The following PCGF3 variants were observed in gnomAD, a reference collection of about 807,000 sequenced individuals.
PCGF3 encodes polycomb group RING finger protein 3.
A neutral mutation model predicts 33.1 loss-of-function variants in PCGF3; 7 were observed. That is an observed-to-expected ratio of 0.21 (90% CI 0.12 to 0.40). The LOEUF (loss-of-function observed/expected upper bound fraction) is 0.40, where lower values mean the gene tolerates loss of function less well. PCGF3 is among the 10% of genes least tolerant of loss of function. The pLI, the probability that PCGF3 is intolerant of heterozygous loss-of-function variation, is 1.00. For missense variants in PCGF3, 211 were observed against 313.3 expected (o/e 0.67, Z 2.46); for synonymous variants, 153 against 121.3 (o/e 1.26, Z -1.72).
intron 1 of PCGF3, among the ~76,000 whole-genome samples, chr4:714,251 C>G (rs1300183210): frequency 6.6e-6 from 1 of 152,212 alleles, no homozygotes; most frequent in Non-Finnish European, 1.5e-5. Flanking sequence ...GCTGCTCGGC[C>G]TAAGGTGCTT....
chr4:725,377 G>A, intron 1 of PCGF3: 1 of 154,924 alleles, frequency 6.5e-6, no homozygotes, highest in East Asian at 1.9e-4. Context: ...AGAAGTTGTG[G>A]ACTAGACGTG....
chr4:731,135 G>T (rs1276213803), intron 3 of PCGF3, 25 bp downstream of exon 3: 1 of 398,584 alleles, frequency 2.5e-6, no homozygotes, highest in African/African-American at 2.1e-5. Flanking sequence ...CCCCGACCCC[G>T]GGGGTCCTGC....
chr4:708,270 G>T (rs529855141), intron 1 of PCGF3, among the ~76,000 whole-genome samples: 1 of 152,160 alleles, frequency 6.6e-6, no homozygotes, highest in Non-Finnish European at 1.5e-5. Context: ...AAGAGGACCT[G>T]ATGAGAGCTG....
chr4:719,682 G>A (rs1742997298), intron 1 of PCGF3, among the ~76,000 whole-genome samples: 1 of 152,254 alleles, frequency 6.6e-6, no homozygotes, highest in African/African-American at 2.4e-5. Context: ...AGCTGGAGGG[G>A]CAGGACGGTG....
chr4:734,460 T>C, intron 4 of PCGF3: 4 of 1,257,398 alleles, frequency 3.2e-6, no homozygotes, highest in Non-Finnish European at 4.0e-6. Context: ...GGAAATAAAA[T>C]ATTTGCCAAT....
chr4:712,502 C>T (rs1742615840), intron 1 of PCGF3, among the ~76,000 whole-genome samples: 2 of 152,210 alleles, frequency 1.3e-5, no homozygotes, highest in Non-Finnish European at 2.9e-5. Context: ...GGCTGGAGTG[C>T]AGTGGCGCGA....
At position 743,479 on chromosome 4, in the gene PCGF3, A is replaced by G. The variant is rs765004074; in HGVS notation, c.268A>G (p.Met90Val). 3.7e-6 allele frequency: 6 copies of G among 1,606,660 alleles called. No individual in the cohort carries two copies. In the Admixed American group the frequency reaches 8.3e-5, roughly 22 times the overall value. Residue 90 changes from methionine to valine, a missense_variant, in exon 7 of 11, where the codon ATG becomes GTG. Transcript: ENST00000362003. ...TGTGTGTTGATTTTCCGCAGCGGAAATGAGAAAGCAGAGGGAGTTCTATCA... is the reference window on the plus strand; with the variant it reads ...TGTGTGTTGATTTTCCGCAGCGGAAGTGAGAAAGCAGAGGGAGTTCTATCA...
chr4:744,188 C>T, intron 7 of PCGF3, among the ~76,000 whole-genome samples: 1 of 152,304 alleles, frequency 6.6e-6, no homozygotes, highest in Non-Finnish European at 1.5e-5. Flanking sequence ...TGTCAGAACC[C>T]TTTTACCTGA....
Position 765,116 on chromosome 4 carries a change from G to C in PCGF3, c.681+52G>C, listed in dbSNP as rs184379027. 3,036 of 1,243,990 alleles carry C rather than the reference G, an allele frequency of 2.4e-3. 7 individuals are homozygous for C. The highest frequency in any genetic ancestry group is 4.1e-3 in the Middle Eastern group (22 of 5,312). The allele number at this position is 1,243,990 out of a possible 1,614,324, so 77.1% of individuals were successfully genotyped here. A position where few individuals can be genotyped will look rare whatever the true frequency, so the allele number is the denominator to read the frequency against. ...GTCTGCTCTGAATGGCAGTGACTTT[G>C]CTGTGCATCTCTTATCTAAAATGTT... On this transcript the variant is annotated intron_variant, in intron 10 of 10. Coordinates refer to ENST00000362003, the Ensembl canonical transcript of PCGF3.
exon 11 of PCGF3, chr4:766,325 A>C: frequency 2.2e-6 from 1 of 446,996 alleles, no homozygotes; most frequent in Non-Finnish European, 4.0e-6. Context: ...CCCGTGCTTC[A>C]GCCTTGCAGG....
intron 1 of PCGF3, among the ~76,000 whole-genome samples, chr4:712,425 T>G (rs996338545): frequency 4.6e-5 from 7 of 151,988 alleles, no homozygotes; most frequent in South Asian, 2.1e-4. Flanking sequence ...ATATTCGTGT[T>G]TGTTTGTTTG....
In PCGF3 at chr4:733,059, G is replaced by GTGCTGCCTCCGCCCCTGCCC. The variant is rs1743673437; in HGVS notation, c.-9-613_-9-612insTGCTGCCTCCGCCCCTGCCC. 1.1e-3 allele frequency among the ~76,000 whole-genome samples: 166 copies of GTGCTGCCTCCGCCCCTGCCC among 146,510 alleles called. 1 individual carries two copies. In the Middle Eastern group the frequency reaches 0.028, roughly 24 times the overall value. Reference sequence around the variant, plus strand: ...GTGAGGGTAGGGTGGGGCCCCTGCCGCGTGCTGCCTCCGCCCCTGCCCCGT... The same window carrying GTGCTGCCTCCGCCCCTGCCC: ...GTGAGGGTAGGGTGGGGCCCCTGCCGTGCTGCCTCCGCCCCTGCCCCGTGCTGCCTCCGCCCCTGCCCCGT... On this transcript the variant is annotated intron_variant, in intron 3 of 10. Coordinates refer to ENST00000362003, the Ensembl canonical transcript of PCGF3.
chr4:718,285 G>T (rs1742940628), intron 1 of PCGF3, among the ~76,000 whole-genome samples: 1 of 152,058 alleles, frequency 6.6e-6, no homozygotes, highest in Non-Finnish European at 1.5e-5. Flanking sequence ...CGGCGCTGGG[G>T]GCCGGACTGC....
In PCGF3 at chr4:737,105, A is replaced by G. The variant is rs111418224; in HGVS notation, c.207-361A>G. The stretch of plus-strand genomic sequence containing the variant: ...CGGGGAACCTGGGGTGTCTGCAGGG[A>G]CGGTGTCCCCTGAGCGCACGGGACG... On this transcript the variant is annotated intron_variant, in intron 5 of 10. Transcript: ENST00000362003. Among the ~76,000 whole-genome samples the G allele has an allele frequency of 3.1e-3, 189 of 61,238 alleles. 1 individual carries two copies. The highest frequency in any genetic ancestry group is 6.6e-3 in the African/African-American group (95 of 14,492). The allele number at this position is 61,238 out of a possible 152,430, so 40.2% of individuals were successfully genotyped here.
chr4:743,648 G>A, intron 7 of PCGF3, 64 bp downstream of exon 7: 1 of 947,102 alleles, frequency 1.1e-6, no homozygotes, highest in Non-Finnish European at 1.7e-6. Context: ...TTTTCTTAAA[G>A]AGCTGGCGCT....
chr4:743,403 A>G, intron 6 of PCGF3, 71 bp from the exon 7 acceptor site: 1 of 847,420 alleles, frequency 1.2e-6, no homozygotes, highest in Non-Finnish European at 2.0e-6. Flanking sequence ...TCTTTATGTG[A>G]TGTTTATGAA....
In PCGF3 at chr4:739,004, C is replaced by T. The variant is rs985261382; in HGVS notation, c.262+1483C>T. 5.3e-5 allele frequency among the ~76,000 whole-genome samples: 8 copies of T among 152,204 alleles called. No homozygotes were observed. The East Asian group carries it at 1.5e-3, about 29-fold the overall frequency. On this transcript the variant is annotated intron_variant, in intron 6 of 10. Transcript: ENST00000362003. Reference sequence around the variant, plus strand: ...GTGGCCGTCCTTGCTGCACCTGCTGCTCCCTCAGCCTCACCCCGTGGCCTT... The same window carrying T: ...GTGGCCGTCCTTGCTGCACCTGCTGTTCCCTCAGCCTCACCCCGTGGCCTT...
At chr4:762,062 TGGA>T (rs1400256651) in intron 9 of PCGF3, 23 of 984,650 alleles carry the variant, frequency 2.3e-5, no homozygotes, top group Non-Finnish European at 2.7e-5. Context: ...GCGGTCAGGG[TGGA>T]GAAGTGGACA....
chr4:761,716 T>C, intron 9 of PCGF3: 1 of 985,408 alleles, frequency 1.0e-6, no homozygotes, highest in Non-Finnish European at 1.2e-6. Context: ...AATTCTGTGC[T>C]TTAATTTCAC....
Sources: gnomAD v4.1 joint callset for allele counts (sites outside exome capture counted in the v4.1 genomes callset) on GRCh38, gnomAD v4.1.1 for gene constraint, MANE v1.5 for transcripts, NCBI Gene and HGNC (gene_info 2026-07-23, HGNC 2026-07-21) for gene names.